The following PLCL2 variants were observed in gnomAD, a reference collection of about 807,000 sequenced individuals.
PLCL2 encodes phospholipase C like 2.
In PLCL2, 4 loss-of-function variants were observed where a neutral mutation model predicts 79.6. The observed-to-expected ratio is 0.05, with a 90% confidence interval of 0.02 to 0.11. The LOEUF is 0.11. PLCL2 is among the 10% of genes least tolerant of loss of function. The pLI, the probability that PLCL2 is intolerant of heterozygous loss-of-function variation, is 1.00. For missense variants in PLCL2, 895 were observed against 1,291.0 expected (o/e 0.69, Z 4.70); for synonymous variants, 484 against 457.7 (o/e 1.06, Z -0.73).
At chr3:17,047,453 C>T (rs1376429186) in intron 4 of PLCL2, among the ~76,000 whole-genome samples, 1 of 152,056 alleles carries the variant, frequency 6.6e-6, no homozygotes, top group East Asian at 1.9e-4. Context: ...GAAAGATGAC[C>T]CAGCCCTCTC....
intron 4 of PLCL2, among the ~76,000 whole-genome samples, chr3:17,062,514 T>C (rs2064962679): frequency 6.6e-6 from 1 of 152,208 alleles, no homozygotes; most frequent in South Asian, 2.1e-4. Context: ...CCCTCTGTCT[T>C]TAATAGCTGC....
chr3:16,914,389 AAAAG>A lies in PLCL2; in HGVS notation c.327+29032_327+29035del, dbSNP rs1472540718. Among the ~76,000 whole-genome samples, 6 of 152,356 alleles carry A rather than the reference AAAAG, an allele frequency of 3.9e-5. No individual in the cohort carries two copies. The South Asian group carries it at 8.3e-4, about 21-fold the overall frequency. On this transcript the variant is annotated intron_variant, in intron 1 of 5. Coordinates refer to ENST00000615277, the MANE Select transcript of PLCL2 (RefSeq NM_001144382.2). ...TCATAAGAAAGTTGTCAAGTTTTCTAAAAGAAAGAAAGTTTTCAAAAGATGTATT... is the reference window on the plus strand; with the variant it reads ...TCATAAGAAAGTTGTCAAGTTTTCTAAAAGAAAGTTTTCAAAAGATGTATT...
At chr3:17,074,657 C>G (rs1418396564) in intron 5 of PLCL2, among the ~76,000 whole-genome samples, 2 of 152,204 alleles carry the variant, frequency 1.3e-5, no homozygotes, top group African/African-American at 4.8e-5. Flanking sequence ...AGTATAGCCA[C>G]CTTCATCAAT....
At chr3:17,073,537 G>A (rs1365635751) in intron 5 of PLCL2, among the ~76,000 whole-genome samples, 1 of 152,130 alleles carries the variant, frequency 6.6e-6, no homozygotes, top group Admixed American at 6.5e-5. Flanking sequence ...ATAAGACAGT[G>A]GAGCTTGCTA....
At chr3:16,938,250 A>G (rs1441921075) in intron 1 of PLCL2, among the ~76,000 whole-genome samples, 1 of 152,246 alleles carries the variant, frequency 6.6e-6, no homozygotes, top group African/African-American at 2.4e-5. Flanking sequence ...AACTACTTCC[A>G]CAGTGTGTAA....
rs528147634 is a variant in PLCL2, at chr3:16,886,506, T to G, written c.327+1140T>G. 6.6e-6 allele frequency among the ~76,000 whole-genome samples: 1 copy of G among 152,340 alleles called. No individual in the cohort carries two copies. The highest frequency in any genetic ancestry group is 2.1e-4 in the South Asian group (1 of 4,830). On this transcript the variant is annotated intron_variant, in intron 1 of 5. Coordinates refer to ENST00000615277, the MANE Select transcript of PLCL2 (RefSeq NM_001144382.2). This position sits in a 1 kb window ranked among gnomAD's most constrained non-coding sequence, Gnocchi z 4.2. Reference sequence around the variant, plus strand: ...AAAATGTCTGATGGTGTTATCAACTTATGCAGTAATCTAGTGAAATATACC... The same window carrying G: ...AAAATGTCTGATGGTGTTATCAACTGATGCAGTAATCTAGTGAAATATACC...
At chr3:16,952,927 A>G (rs2063667481) in intron 1 of PLCL2, among the ~76,000 whole-genome samples, 1 of 152,126 alleles carries the variant, frequency 6.6e-6, no homozygotes, top group Non-Finnish European at 1.5e-5. Context: ...TTTGACCCAG[A>G]AAGTTCACTG....
At chr3:16,974,617 T>C (rs2063905682) in intron 1 of PLCL2, among the ~76,000 whole-genome samples, 2 of 152,182 alleles carry the variant, frequency 1.3e-5, no homozygotes, top group Non-Finnish European at 2.9e-5. Flanking sequence ...TAAGATGCTC[T>C]TGAGAGCTCC....
intron 1 of PLCL2, among the ~76,000 whole-genome samples, chr3:16,906,861 CTGTT>C (rs1184575900): frequency 1.3e-5 from 2 of 152,058 alleles, no homozygotes; most frequent in Admixed American, 6.6e-5. Context: ...AAAATAGAAA[CTGTT>C]TGTTTACTCT....
At chr3:17,088,315 T>G in intron 5 of PLCL2, among the ~76,000 whole-genome samples, 1 of 151,958 alleles carries the variant, frequency 6.6e-6, no homozygotes, top group Non-Finnish European at 1.5e-5. Context: ...GGACCCACAC[T>G]GGGAGGCAGT....
rs575111910 is a variant in PLCL2 at position 16,921,192 on chromosome 3, A to C, written c.327+35826A>C. Among the ~76,000 whole-genome samples the C allele has an allele frequency of 2.6e-5, 4 of 152,360 alleles. No homozygotes were observed. The South Asian group carries it at 8.3e-4, about 32-fold the overall frequency. On this transcript the variant is annotated intron_variant, in intron 1 of 5. Coordinates refer to ENST00000615277, the MANE Select transcript of PLCL2 (RefSeq NM_001144382.2). ...CTACATGGTAGGGAGAGAGCTAGTC[A>C]GATATTTTAGTCATATATTTTTAAA...
At chr3:16,972,786 C>T (rs867704219) in intron 1 of PLCL2, among the ~76,000 whole-genome samples, 79 of 152,198 alleles carry the variant, frequency 5.2e-4, no homozygotes, top group Middle Eastern at 3.4e-3. Context: ...TCTGTTTTGT[C>T]TGAAATTATA....
chr3:16,997,560 TCAC>T, intron 1 of PLCL2, among the ~76,000 whole-genome samples: 1 of 149,208 alleles, frequency 6.7e-6, no homozygotes, highest in African/African-American at 2.5e-5. Flanking sequence ...AGATGGAGTC[TCAC>T]TCTGTTGTCC....
chr3:16,920,756 T>G (rs1018027015), intron 1 of PLCL2, among the ~76,000 whole-genome samples: 5 of 152,308 alleles, frequency 3.3e-5, no homozygotes, highest in Middle Eastern at 3.4e-3. Flanking sequence ...TGTGAATAAA[T>G]AGGATTTTAT....
At chr3:16,896,255 T>G (rs1188704481) in intron 1 of PLCL2, among the ~76,000 whole-genome samples, 1 of 152,166 alleles carries the variant, frequency 6.6e-6, no homozygotes, top group Non-Finnish European at 1.5e-5. Flanking sequence ...TGGACACTTG[T>G]ACGTGGTGAG....
At chr3:16,950,149 A>G (rs1431573008) in intron 1 of PLCL2, among the ~76,000 whole-genome samples, 1 of 152,124 alleles carries the variant, frequency 6.6e-6, no homozygotes, top group Non-Finnish European at 1.5e-5. Context: ...CTTTTTTGGC[A>G]TCAACCTCTC....
At chr3:17,033,513 A>G (rs961782032) in intron 3 of PLCL2, among the ~76,000 whole-genome samples, 1 of 152,210 alleles carries the variant, frequency 6.6e-6, no homozygotes, top group African/African-American at 2.4e-5. Flanking sequence ...ACTTGCTTGA[A>G]TGCAGTTTAT....
chr3:17,017,165 A>G (rs1344703151), intron 3 of PLCL2, among the ~76,000 whole-genome samples: 2 of 152,152 alleles, frequency 1.3e-5, no homozygotes, highest in Non-Finnish European at 2.9e-5. Context: ...GGTAGATGCT[A>G]GCTCTTAATA....
chr3:17,015,874 T>C (rs1559520232), intron 3 of PLCL2, among the ~76,000 whole-genome samples: 1 of 152,212 alleles, frequency 6.6e-6, no homozygotes, highest in Non-Finnish European at 1.5e-5. Flanking sequence ...GAGGGATTTA[T>C]GCAATTCAAG....
Sources: allele counts gnomAD v4.1 joint callset (sites outside exome capture counted in the v4.1 genomes callset), GRCh38; gene constraint gnomAD v4.1.1; non-coding constraint Gnocchi (gnomAD v3.1); transcripts MANE v1.5; gene names NCBI Gene and HGNC (gene_info 2026-07-23, HGNC 2026-07-21).